Variants in BRCA1 observed in about 807,000 individuals in gnomAD.
The protein encoded by BRCA1 is breast cancer type 1 susceptibility protein.
BRCA1 carries 140 observed loss-of-function variants against 173.7 expected under a neutral mutation model. The ratio of observed to expected loss-of-function variants is 0.81; its 90% CI spans 0.70 to 0.93. BRCA1 has a LOEUF of 0.93. Ranked by LOEUF, BRCA1 falls within the 40% of genes least tolerant of loss-of-function variation. The pLI, the probability that BRCA1 is intolerant of heterozygous loss-of-function variation, is 0.00. For synonymous variants in BRCA1, 662 were observed against 756.0 expected, an observed-to-expected ratio of 0.88 and a Z score of 2.04; for missense variants, 1,983 against 2,172.5, an observed-to-expected ratio of 0.91 and a Z score of 1.73.
intron 14 of BRCA1, among the ~76,000 whole-genome samples, chr17:43,073,896 G>A (rs926194008): frequency 2.6e-5 from 4 of 151,854 alleles, no homozygotes; most frequent in Non-Finnish European, 4.4e-5. Flanking sequence ...CTAGGATTAC[G>A]GGCATGCACT....
chr17:43,107,382 A>AT lies in BRCA1; in HGVS notation c.135-850dup, dbSNP rs762948688. ...CTGGCCGACGATTTTTATTTTCTTA[A>AT]TTTTTTTTTTTTTTTTTTGAGACAG... On this transcript the variant is annotated intron_variant, in intron 3 of 22. Transcript: ENST00000357654. 8.5e-3 allele frequency among the ~76,000 whole-genome samples: 1,005 copies of AT among 118,504 alleles called. 9 individuals carry two copies. The highest frequency in any genetic ancestry group is 0.017 in the African/African-American group (551 of 32,088). 77.7% of individuals were successfully genotyped at this position (118,504 alleles called of 152,430 possible).
chr17:43,138,851 T>G, intron 1 of BRCA1: 1 of 778,826 alleles, frequency 1.3e-6, no homozygotes, highest in African/African-American at 1.7e-5. Context: ...CTGGGGACCG[T>G]GGGGCTGCAA....
chr17:43,061,141 C>T (rs1024944115), intron 18 of BRCA1, among the ~76,000 whole-genome samples: 1 of 151,988 alleles, frequency 6.6e-6, no homozygotes, highest in Non-Finnish European at 1.5e-5. Flanking sequence ...AACCAAAATA[C>T]AGAAATCAAA....
intron 11 of BRCA1, among the ~76,000 whole-genome samples, chr17:43,090,741 C>CGCGTGT (rs926469591): frequency 2.0e-5 from 3 of 151,842 alleles, no homozygotes; most frequent in African/African-American, 7.3e-5. Context: ...GCTGTGTGTG[C>CGCGTGT]GCGTGTGCGT....
chr17:43,099,446 T>C (rs1043568582), intron 7 of BRCA1, among the ~76,000 whole-genome samples: 1 of 151,638 alleles, frequency 6.6e-6, no homozygotes, highest in Non-Finnish European at 1.5e-5. Flanking sequence ...AATTTTTTAT[T>C]TTTTGGTACA....
intron 1 of BRCA1, chr17:43,166,910 G>A (rs1241129824): frequency 6.6e-6 from 1 of 152,122 alleles, no homozygotes; most frequent in South Asian, 2.1e-4. Flanking sequence ...TGCCAATAAA[G>A]GCACGCCATG....
chr17:43,105,029 A>G, intron 4 of BRCA1, 73 bp from the exon 5 acceptor site: 1 of 1,223,614 alleles, frequency 8.2e-7, no homozygotes, highest in Admixed American at 1.7e-5. Context: ...AAATAAGAAA[A>G]GACATGTAAA....
At chr17:43,075,955 G>A (rs114256395) in intron 13 of BRCA1, among the ~76,000 whole-genome samples, 3 of 152,054 alleles carry the variant, frequency 2.0e-5, no homozygotes, top group African/African-American at 7.2e-5. Context: ...TAGTGGGTGT[G>A]GGTGGCGCAT....
rs1555576819 is a variant in BRCA1, at chr17:43,057,041, G to A, written c.5277+11C>T. On this transcript the variant is annotated intron_variant, in intron 19 of 22. Transcript: ENST00000357654. ...GTGAGATTTTTGTCAACTTGAGGGAGGGAGCTTTACCTTTCTGTCCTGGGA... is the reference window on the plus strand; with the variant it reads ...GTGAGATTTTTGTCAACTTGAGGGAAGGAGCTTTACCTTTCTGTCCTGGGA... 1 of 1,613,728 alleles carries A rather than the reference G, an allele frequency of 6.2e-7. No homozygotes were observed. The highest frequency in any genetic ancestry group is 1.7e-5 in the Admixed American group (1 of 60,004).
rs1437476481 is a variant in BRCA1 at position 43,104,156 on chromosome 17, C to T, written c.407G>A (p.Arg136Lys). The T allele has an allele frequency of 1.2e-6, 2 of 1,613,918 alleles. No homozygotes were observed. The highest frequency in any genetic ancestry group is 1.7e-4 in the Middle Eastern group (1 of 6,060). Reference protein sequence around the residue: ...QSMGYRNRAKRLLQSEPENPS... With the variant: ...QSMGYRNRAKKLLQSEPENPS... ...ATTTTCGGGTTCACTCTGTAGAAGT[C>T]TTTTGGCACGGTTTCTGTAGCCCAT... The change falls in exon 6 of 23, where the codon AGA becomes AAA. Residue 136 changes from arginine (R) to lysine (K), a missense_variant. Transcript: ENST00000357654.
intron 2 of BRCA1, chr17:43,119,289 G>T: frequency 4.8e-6 from 1 of 209,198 alleles, no homozygotes; most frequent in African/African-American, 2.4e-5. Flanking sequence ...AAAAAAAAAA[G>T]AAAAGGATCA....
At chr17:43,052,169 T>C (rs2051269101) in intron 19 of BRCA1, among the ~76,000 whole-genome samples, 2 of 152,222 alleles carry the variant, frequency 1.3e-5, no homozygotes, top group African/African-American at 4.8e-5. Context: ...CTTTCTGTGA[T>C]AGTCACAATG....
chr17:43,046,322 C>T (rs1332848444), intron 22 of BRCA1, among the ~76,000 whole-genome samples: 3 of 151,220 alleles, frequency 2.0e-5, no homozygotes, highest in Non-Finnish European at 4.4e-5. Flanking sequence ...CCTCCACCTC[C>T]CGGGTTCAAG....
intron 12 of BRCA1, among the ~76,000 whole-genome samples, chr17:43,080,229 G>A (rs1289880835): frequency 6.6e-6 from 1 of 152,186 alleles, no homozygotes; most frequent in Admixed American, 6.5e-5. Context: ...TGTGTGCTAA[G>A]CATTGTACAG....
At chr17:43,090,788 G>A (rs903168080) in intron 11 of BRCA1, among the ~76,000 whole-genome samples, 156 bp downstream of exon 11, 2 of 152,154 alleles carry the variant, frequency 1.3e-5, no homozygotes, top group African/African-American at 4.8e-5. Context: ...TTCCATCAAG[G>A]TGCTTACAGT....
At chr17:43,116,238 T>G (rs1264123978) in intron 2 of BRCA1, among the ~76,000 whole-genome samples, 2 of 152,132 alleles carry the variant, frequency 1.3e-5, no homozygotes, top group Non-Finnish European at 2.9e-5. Flanking sequence ...TATGGAAAAT[T>G]TCAAGTATTT....
At chr17:43,060,072 A>AT (rs953255290) in intron 18 of BRCA1, among the ~76,000 whole-genome samples, 28 of 150,868 alleles carry the variant, frequency 1.9e-4, no homozygotes, top group East Asian at 9.7e-4. Context: ...TTCCCAGCTA[A>AT]TTTTTTTTTG....
At chr17:43,052,033 T>C (rs1357990101) in intron 19 of BRCA1, among the ~76,000 whole-genome samples, 1 of 152,156 alleles carries the variant, frequency 6.6e-6, no homozygotes, top group Non-Finnish European at 1.5e-5. Flanking sequence ...CAGTTTTTAA[T>C]CTAGAAGTGA....
intron 1 of BRCA1, chr17:43,145,223 G>T (rs923083771): frequency 2.8e-6 from 2 of 701,832 alleles, no homozygotes; most frequent in African/African-American, 1.8e-5. Context: ...TCCAGCCTCT[G>T]ATGAAGCAGG....
Sources: gnomAD v4.1 joint callset for allele counts (sites outside exome capture counted in the v4.1 genomes callset) on GRCh38, gnomAD v4.1.1 for gene constraint, MANE v1.5 for transcripts, NCBI Gene and HGNC (gene_info 2026-07-23, HGNC 2026-07-21) for gene names.